AADACL2: variants seen among roughly 807,000 people sequenced by gnomAD.
AADACL2 encodes the protein arylacetamide deacetylase-like 2.
Under a neutral mutation model 22.3 loss-of-function variants are expected in AADACL2, and 23 were observed. That is an observed-to-expected ratio of 1.03 (90% CI 0.74 to 1.46). The LOEUF (loss-of-function observed/expected upper bound fraction) is 1.46. Ranked by LOEUF, AADACL2 falls within the 40% of genes most tolerant of loss-of-function variation. AADACL2 has a pLI of 0.00. For synonymous variants in AADACL2, 177 were observed against 166.2 expected (o/e 1.07, Z -0.50); for missense variants, 472 against 482.9 (o/e 0.98, Z 0.21).
At chr3:151,746,357 T>C (rs921210598) in intron 4 of AADACL2, among the ~76,000 whole-genome samples, 2 of 109,676 alleles carry the variant, frequency 1.8e-5, no homozygotes, top group African/African-American at 6.2e-5. Flanking sequence ...GTGTTCTGTG[T>C]TTTTTTTGTT....
intron 4 of AADACL2, among the ~76,000 whole-genome samples, chr3:151,755,434 A>G (rs1713862077): frequency 6.6e-6 from 1 of 152,164 alleles, no homozygotes; most frequent in Non-Finnish European, 1.5e-5. Flanking sequence ...TTACATGCAG[A>G]ATCACACATA....
chr3:151,734,456 A>G (rs1367637335), intron 1 of AADACL2, among the ~76,000 whole-genome samples: 2 of 152,166 alleles, frequency 1.3e-5, no homozygotes, highest in African/African-American at 2.4e-5. Context: ...CTAAAGGAAA[A>G]GGCTTTGAGG....
Position 151,757,208 on chromosome 3 carries a change from TCAAGA to T in AADACL2, c.823_827del (p.Arg275SerfsTer3). ...AAGAAACCAACACATGCCTCTGGAG[TCAAGA>T]CATCTGTTTAAGTTTGTTAACTGGA... is the stretch of plus-strand genomic sequence containing the variant. On this transcript the variant is annotated frameshift_variant, in exon 5 of 5. Transcript: ENST00000356517. LOFTEE classifies it low-confidence loss of function (END_TRUNC). 6.2e-7 allele frequency: 1 copy of T among 1,613,516 alleles called. No homozygotes were observed. Among genetic ancestry groups the T allele is most frequent in the Non-Finnish European group, 8.5e-7 (1 of 1,179,662 alleles).
chr3:151,748,506 T>G (rs1301991364), intron 4 of AADACL2, among the ~76,000 whole-genome samples: 1 of 152,164 alleles, frequency 6.6e-6, no homozygotes, highest in East Asian at 1.9e-4. Flanking sequence ...CTGAGCCTAG[T>G]GAGAGGTGTT....
In AADACL2 at chr3:151,760,238, C is replaced by A. The variant is rs1714095744; in HGVS notation, c.*2644C>A. The A allele has an allele frequency of 1.3e-5, 2 of 152,156 alleles. No individual in the cohort carries two copies. The highest frequency in any genetic ancestry group is 4.1e-4 in the South Asian group (2 of 4,836). The allele number at this position is 152,156 out of a possible 1,614,324, so 9.4% of individuals were successfully genotyped here. ...GGGAAGACTTGATTACACCCCATGG[C>A]ATTACAGCTAAAAATTCCAACGTTT... On this transcript the variant is annotated 3_prime_UTR_variant, in exon 5 of 5. Transcript: ENST00000356517.
chr3:151,748,552 A>T (rs190941547), intron 4 of AADACL2, among the ~76,000 whole-genome samples: 2 of 152,320 alleles, frequency 1.3e-5, no homozygotes, highest in African/African-American at 4.8e-5. Flanking sequence ...GAATAGATTA[A>T]TGCCCTTCAG....
chr3:151,738,761 T>A (rs1713177330), intron 1 of AADACL2, among the ~76,000 whole-genome samples: 1 of 152,248 alleles, frequency 6.6e-6, no homozygotes, highest in East Asian at 1.9e-4. Context: ...CAATCCCTGA[T>A]ATCCTTTCTT....
At position 151,759,642 on chromosome 3, in the gene AADACL2, T is replaced by C. The variant is rs1714079064; in HGVS notation, c.*2048T>C. 1 of 152,260 alleles carries C rather than the reference T, an allele frequency of 6.6e-6. No homozygotes were observed. The highest frequency in any genetic ancestry group is 2.4e-5 in the African/African-American group (1 of 41,466). The allele number at this position is 152,260 out of a possible 1,614,324, so 9.4% of individuals were successfully genotyped here. A position where few individuals can be genotyped will look rare whatever the true frequency, so the allele number is the denominator to read the frequency against. On this transcript the variant is annotated 3_prime_UTR_variant, in exon 5 of 5. Coordinates refer to ENST00000356517, the MANE Select transcript of AADACL2 (RefSeq NM_207365.4). Reference sequence around the variant, plus strand: ...TACATAAGTATGTGGTAGAAATGTATGCTAAGGTAGGCCAGTCAATCCTTT... The same window carrying C: ...TACATAAGTATGTGGTAGAAATGTACGCTAAGGTAGGCCAGTCAATCCTTT...
At position 151,761,097 on chromosome 3, in the gene AADACL2, A is replaced by G. The variant is rs1714124990; in HGVS notation, c.*3503A>G. 1 of 148,766 alleles carries G rather than the reference A, an allele frequency of 6.7e-6. No homozygotes were observed. Among genetic ancestry groups the G allele is most frequent in the Admixed American group, 6.8e-5 (1 of 14,786 alleles). The allele number at this position is 148,766 out of a possible 1,614,324, so 9.2% of individuals were successfully genotyped here. A position where few individuals can be genotyped will look rare whatever the true frequency, so the allele number is the denominator to read the frequency against. On this transcript the variant is annotated 3_prime_UTR_variant, in exon 5 of 5. Coordinates refer to ENST00000356517, the MANE Select transcript of AADACL2 (RefSeq NM_207365.4). ...ATGTTTTATATATATGGTGAGATATATATATATTTTTTTATATATGGTGAG... is the reference window on the plus strand; with the variant it reads ...ATGTTTTATATATATGGTGAGATATGTATATATTTTTTTATATATGGTGAG...
intron 4 of AADACL2, among the ~76,000 whole-genome samples, chr3:151,754,558 T>TC (rs1392878341): frequency 6.6e-6 from 1 of 152,114 alleles, no homozygotes; most frequent in Non-Finnish European, 1.5e-5. Flanking sequence ...ATGCATACTA[T>TC]CCATTGTGTT....
chr3:151,747,625 T>TGC (rs1174094632), intron 4 of AADACL2, among the ~76,000 whole-genome samples: 1 of 151,622 alleles, frequency 6.6e-6, no homozygotes. Context: ...TGTTTGTGTG[T>TGC]GTGTGTGTGT....
chr3:151,761,204 G>GATATATATATAT lies in AADACL2; in HGVS notation c.*3637_*3648dup, dbSNP rs56205370. 482 of 85,242 alleles carry GATATATATATAT rather than the reference G, an allele frequency of 5.7e-3. 18 individuals are homozygous for GATATATATATAT. Among genetic ancestry groups the GATATATATATAT allele is most frequent in the Middle Eastern group, 8.3e-3 (1 of 120 alleles). The allele number at this position is 85,242 out of a possible 1,614,324, so 5.3% of individuals were successfully genotyped here. On this transcript the variant is annotated 3_prime_UTR_variant, in exon 5 of 5. Transcript: ENST00000356517. ...ATATGGTGAGATATATACATATTGTGATATATATATATATATATATATATA... is the reference window on the plus strand; with the variant it reads ...ATATGGTGAGATATATACATATTGTGATATATATATATATATATATATATATATATATATATA...
rs555331324 is a variant in AADACL2 at position 151,734,139 on chromosome 3, C to T, written c.104C>T (p.Ala35Val). Residue 35 changes from alanine (A) to valine (V), a missense_variant, in exon 1 of 5, where the codon GCC becomes GTC. Coordinates refer to ENST00000356517, the MANE Select transcript of AADACL2 (RefSeq NM_207365.4). ...ATTGAAGAAAGCTGGAAAATAATGG[C>T]CTTGGATGCCATCGCTAAAACTTGT... ...DNIEESWKIM[A>V]LDAIAKTCTF... is the part of the protein sequence containing the mutation. 1.9e-6 allele frequency: 3 copies of T among 1,613,358 alleles called. No homozygotes were observed. The highest frequency in any genetic ancestry group is 3.3e-4 in the Middle Eastern group (2 of 6,056).
chr3:151,757,117 G>A lies in AADACL2; in HGVS notation c.729G>A (p.Arg243=). The A allele has an allele frequency of 6.2e-7, 1 of 1,613,022 alleles. No homozygotes were observed. Among genetic ancestry groups the A allele is most frequent in the African/African-American group, 1.3e-5 (1 of 74,792 alleles). Residue 243 remains arginine (R), a synonymous_variant, in exon 5 of 5, where the codon AGG becomes AGA. Coordinates refer to ENST00000356517, the MANE Select transcript of AADACL2 (RefSeq NM_207365.4). The stretch of plus-strand genomic sequence containing the variant: ...ATGAGCATGGTATAGTTTTGACCAG[G>A]GATGTAGCCATAAAACTCGTGAGCT... The part of the protein sequence containing the change: ...RENEHGIVLT[R]DVAIKLVSLY...
chr3:151,734,001 C>T lies in AADACL2; in HGVS notation c.-35C>T. On this transcript the variant is annotated 5_prime_UTR_variant, in exon 1 of 5. Coordinates refer to ENST00000356517, the MANE Select transcript of AADACL2 (RefSeq NM_207365.4). ...TTCAGTGTTTGTGAAAAATTTTAAT[C>T]TCAGTACTGTGAAGAAGCTGGAAAA... The T allele has an allele frequency of 6.4e-7, 1 of 1,563,742 alleles. No individual in the cohort carries two copies. Among genetic ancestry groups the T allele is most frequent in the Middle Eastern group, 1.7e-4 (1 of 5,942 alleles).
intron 2 of AADACL2, among the ~76,000 whole-genome samples, chr3:151,742,069 C>T (rs1713294653): frequency 6.6e-6 from 1 of 151,974 alleles, no homozygotes; most frequent in South Asian, 2.1e-4. Context: ...CTAATTTTCA[C>T]CAAGAAAAAA....
At chr3:151,745,749 G>C in intron 4 of AADACL2, 69 bp downstream of exon 4, 3 of 1,451,580 alleles carry the variant, frequency 2.1e-6, no homozygotes, top group Non-Finnish European at 2.8e-6. Flanking sequence ...AGATAATTCA[G>C]TTCTTCCCCC....
chr3:151,748,835 T>C (rs1451725391), intron 4 of AADACL2, among the ~76,000 whole-genome samples: 2 of 152,206 alleles, frequency 1.3e-5, no homozygotes, highest in Non-Finnish European at 2.9e-5. Flanking sequence ...GGCATTCTAT[T>C]GTAGTAGTGC....
In AADACL2 at chr3:151,758,074, CAGAT is replaced by C. The variant is rs1180988064; in HGVS notation, c.*482_*485del. On this transcript the variant is annotated 3_prime_UTR_variant, in exon 5 of 5. Coordinates refer to ENST00000356517, the MANE Select transcript of AADACL2 (RefSeq NM_207365.4). ...CTACAAATTCAGTCGCTTTAAACAACAGATATTTATTCTTTTACAGTTCTGGGGT... is the reference window on the plus strand; with the variant it reads ...CTACAAATTCAGTCGCTTTAAACAACATTTATTCTTTTACAGTTCTGGGGT... 6.5e-6 allele frequency: 1 copy of C among 153,694 alleles called. No individual in the cohort carries two copies. The highest frequency in any genetic ancestry group is 1.4e-5 in the Non-Finnish European group (1 of 69,174). The allele number at this position is 153,694 out of a possible 1,614,324, so 9.5% of individuals were successfully genotyped here.
Sources: allele counts gnomAD v4.1 joint callset (sites outside exome capture counted in the v4.1 genomes callset), GRCh38; gene constraint gnomAD v4.1.1; transcripts MANE v1.5; gene names NCBI Gene and HGNC (gene_info 2026-07-23, HGNC 2026-07-21).